Variants in FOXP1 observed in about 807,000 individuals in gnomAD.
The protein encoded by FOXP1 is forkhead box protein P1.
In FOXP1, 15 loss-of-function variants were observed where a neutral mutation model predicts 98.2. The ratio of observed to expected loss-of-function variants is 0.15; its 90% confidence interval spans 0.10 to 0.24. The LOEUF (loss-of-function observed/expected upper bound fraction) is 0.24. Among genes scored for constraint, FOXP1 ranks in the 10% least tolerant of loss-of-function variants. FOXP1 has a pLI of 1.00. For missense variants in FOXP1, 633 were observed against 848.5 expected, an observed-to-expected ratio of 0.75 and a Z score of 3.15; for synonymous variants, 371 against 314.5, an observed-to-expected ratio of 1.18 and a Z score of -1.90.
At chr3:71,234,615 G>A (rs550234369) in intron 5 of FOXP1, among the ~76,000 whole-genome samples, 2 of 152,318 alleles carry the variant, frequency 1.3e-5, no homozygotes, top group Non-Finnish European at 2.9e-5. Flanking sequence ...CCTCTCTGAG[G>A]TGTCTGCAAA....
rs761435839 is a variant in FOXP1 at position 71,078,365 on chromosome 3, C to T, written c.283-24592G>A. 1.4e-3 allele frequency among the ~76,000 whole-genome samples: 206 copies of T among 152,242 alleles called. 2 individuals are homozygous for T. The highest frequency in any genetic ancestry group is 2.2e-3 in the Admixed American group (33 of 15,306). On this transcript the variant is annotated intron_variant, in intron 7 of 20. Transcript: ENST00000649528. ...ATTTTATGACTGAGTGACCTCATCA[C>T]GTGCAAAAAGTGCATTTGTACACAG... is the stretch of plus-strand genomic sequence containing the variant.
chr3:70,963,492 G>C (rs1238761654), intron 20 of FOXP1, among the ~76,000 whole-genome samples: 1 of 152,138 alleles, frequency 6.6e-6, no homozygotes, highest in Non-Finnish European at 1.5e-5. Flanking sequence ...GTGTCTCCTG[G>C]AAGTTAGGGC....
chr3:71,233,962 C>T (rs1054033916), intron 5 of FOXP1, among the ~76,000 whole-genome samples: 2 of 151,946 alleles, frequency 1.3e-5, no homozygotes, highest in African/African-American at 2.4e-5. Flanking sequence ...CTGGAATTGC[C>T]GTTATTATCT....
intron 2 of FOXP1, among the ~76,000 whole-genome samples, chr3:71,579,467 A>G (rs1427816039): frequency 6.6e-6 from 1 of 152,182 alleles, no homozygotes; most frequent in Non-Finnish European, 1.5e-5. Context: ...AGGACAAGTT[A>G]CAGAGAACTT....
At chr3:71,028,386 G>A (rs1048233724) in intron 11 of FOXP1, among the ~76,000 whole-genome samples, 7 of 152,216 alleles carry the variant, frequency 4.6e-5, no homozygotes, top group Non-Finnish European at 8.8e-5. Flanking sequence ...AGATGCAAAT[G>A]TGGGGGCCCC....
At chr3:71,156,964 C>G (rs762907107) in intron 6 of FOXP1, among the ~76,000 whole-genome samples, 1 of 152,118 alleles carries the variant, frequency 6.6e-6, no homozygotes, top group Non-Finnish European at 1.5e-5. Context: ...GTCCTGACCA[C>G]GAGGTGACTA....
intron 4 of FOXP1, among the ~76,000 whole-genome samples, chr3:71,314,541 A>ATG (rs1310221751): frequency 6.6e-6 from 1 of 150,448 alleles, no homozygotes; most frequent in African/African-American, 2.4e-5. Flanking sequence ...ATATATATAT[A>ATG]TATATATATA....
At chr3:71,006,999 T>C (rs967243097) in intron 12 of FOXP1, among the ~76,000 whole-genome samples, 7 of 152,120 alleles carry the variant, frequency 4.6e-5, no homozygotes, top group South Asian at 2.1e-4. Flanking sequence ...TAATATTCTA[T>C]ATATCACTAG....
chr3:71,198,471 AAGG>A (rs2063451018), intron 5 of FOXP1, 79 bp from the exon 6 acceptor site: 5 of 1,253,036 alleles, frequency 4.0e-6, no homozygotes, highest in East Asian at 2.3e-5. Flanking sequence ...TGTTGTGCAT[AAGG>A]AGAAGGGCCT....
chr3:71,269,119 A>G (rs1204122791), intron 5 of FOXP1, among the ~76,000 whole-genome samples: 1 of 143,844 alleles, frequency 7.0e-6, no homozygotes, highest in Non-Finnish European at 1.5e-5. Flanking sequence ...TTTTCATTTA[A>G]TGGCACATGA....
In FOXP1 at chr3:71,145,438, G is replaced by C. The variant is rs560244198; in HGVS notation, c.181-32801C>G. The stretch of plus-strand genomic sequence containing the variant: ...TGTAATCCCAGCTACTAGGGAGGCT[G>C]AGGCTGAGGCAGAAGAATCGCTTGA... On this transcript the variant is annotated intron_variant, in intron 6 of 20. Coordinates refer to ENST00000649528, the MANE Select transcript of FOXP1 (RefSeq NM_001349338.3). Among the ~76,000 whole-genome samples the C allele has an allele frequency of 2.5e-3, 377 of 152,256 alleles. 1 individual carries two copies. Among genetic ancestry groups the C allele is most frequent in the African/African-American group, 8.2e-3 (339 of 41,548 alleles).
intron 13 of FOXP1, among the ~76,000 whole-genome samples, chr3:70,999,293 T>C (rs2041815495): frequency 6.6e-6 from 1 of 152,144 alleles, no homozygotes; most frequent in Non-Finnish European, 1.5e-5. Flanking sequence ...TTTCACCATA[T>C]TGGCCAGGCT....
chr3:71,564,753 C>T (rs1415916348), intron 2 of FOXP1, among the ~76,000 whole-genome samples: 1 of 152,176 alleles, frequency 6.6e-6, no homozygotes, highest in Non-Finnish European at 1.5e-5. Context: ...AGTGGACGGG[C>T]AGACAATCAT....
chr3:71,013,744 A>C (rs1047087568), intron 12 of FOXP1, among the ~76,000 whole-genome samples: 1 of 152,246 alleles, frequency 6.6e-6, no homozygotes, highest in African/African-American at 2.4e-5. Context: ...ACCTGACTTC[A>C]AACTATACTA....
intron 3 of FOXP1, among the ~76,000 whole-genome samples, chr3:71,422,261 A>C (rs1577413242): frequency 6.6e-6 from 1 of 152,238 alleles, no homozygotes; most frequent in East Asian, 1.9e-4. Context: ...CATAAACACG[A>C]ACTTCTCAAC....
intron 6 of FOXP1, among the ~76,000 whole-genome samples, chr3:71,144,826 G>C (rs1029746083): frequency 2.0e-5 from 3 of 152,150 alleles, no homozygotes; most frequent in African/African-American, 7.2e-5. Flanking sequence ...GTGCCAACCT[G>C]TTGTAATCAC....
intron 2 of FOXP1, among the ~76,000 whole-genome samples, chr3:71,542,782 G>A (rs924623321): frequency 1.3e-5 from 2 of 152,188 alleles, no homozygotes; most frequent in Non-Finnish European, 2.9e-5. Flanking sequence ...TCCCTCCGCA[G>A]CCAGCTCATA....
chr3:71,035,858 C>T (rs1429726673), intron 11 of FOXP1, among the ~76,000 whole-genome samples: 1 of 151,952 alleles, frequency 6.6e-6, no homozygotes, highest in African/African-American at 2.4e-5. Flanking sequence ...TCCTACATAT[C>T]ACAGAACATG....
rs2032656003 is a variant in FOXP1 at position 70,959,405 on chromosome 3, G to A, written c.1890-14C>T. 6.2e-7 allele frequency: 1 copy of A among 1,614,018 alleles called. No homozygotes were observed. Among genetic ancestry groups the A allele is most frequent in the Non-Finnish European group, 8.5e-7 (1 of 1,179,974 alleles). ...TGTACAGGATGCCTGGAAAAAATAT[G>A]CAGAGGTTCAGTGAGGGTACTTCCC... On this transcript the variant is annotated splice_polypyrimidine_tract_variant and intron_variant, in intron 20 of 20. Coordinates refer to ENST00000649528, the MANE Select transcript of FOXP1 (RefSeq NM_001349338.3).
Sources: allele counts gnomAD v4.1 joint callset (sites outside exome capture counted in the v4.1 genomes callset), GRCh38; gene constraint gnomAD v4.1.1; transcripts MANE v1.5; gene names NCBI Gene and HGNC (gene_info 2026-07-23, HGNC 2026-07-21).